LRRC4B: variants seen among roughly 807,000 people sequenced by gnomAD.
LRRC4B encodes leucine rich repeat containing 4B.
A neutral mutation model predicts 7.3 loss-of-function variants in LRRC4B; 1 was observed. The ratio of observed to expected loss-of-function variants is 0.14; its 90% confidence interval spans 0.05 to 0.65. The LOEUF is 0.65. Among genes scored for constraint, LRRC4B ranks in the 30% least tolerant of loss-of-function variants. LRRC4B has a pLI of 0.84. For missense variants in LRRC4B, 730 were observed against 1,041.6 expected, an observed-to-expected ratio of 0.70 and a Z score of 4.12; for synonymous variants, 500 against 499.2, an observed-to-expected ratio of 1.00 and a Z score of -0.02.
chr19:50,529,859 A>G (rs1980972555), intron 2 of LRRC4B, among the ~76,000 whole-genome samples: 1 of 152,102 alleles, frequency 6.6e-6, no homozygotes, highest in South Asian at 2.1e-4. Flanking sequence ...TGCTGTCAAG[A>G]GCCCCCTGGA....
At chr19:50,543,273 C>T (rs1048883872) in intron 2 of LRRC4B, among the ~76,000 whole-genome samples, 25 of 151,900 alleles carry the variant, frequency 1.6e-4, no homozygotes, top group Admixed American at 7.9e-4. Context: ...GCAGGTCACA[C>T]GGGAGGCTCT....
chr19:50,557,415 G>A (rs868447301), intron 1 of LRRC4B, among the ~76,000 whole-genome samples: 15 of 152,298 alleles, frequency 9.8e-5, no homozygotes, highest in Admixed American at 7.2e-4. Context: ...CCCGGCTCCC[G>A]TCCAGTCCCT....
At chr19:50,532,160 C>T (rs760186923) in intron 2 of LRRC4B, among the ~76,000 whole-genome samples, 3 of 152,068 alleles carry the variant, frequency 2.0e-5, no homozygotes, top group East Asian at 3.9e-4. Context: ...CGCTTGAACC[C>T]GGGAGGCGGA....
In LRRC4B at chr19:50,563,361, G is replaced by A. The variant is rs138715765; in HGVS notation, c.-36+4583C>T. Among the ~76,000 whole-genome samples, 60 of 152,262 alleles carry A rather than the reference G, an allele frequency of 3.9e-4. No individual in the cohort carries two copies. The East Asian group carries it at 9.3e-3, about 24-fold the overall frequency. ...AGGGAAGGGAGGTTCTCCCCAGTGGGGACAAAGGGTCTCCAAACTCAGAGT... is the reference window on the plus strand; with the variant it reads ...AGGGAAGGGAGGTTCTCCCCAGTGGAGACAAAGGGTCTCCAAACTCAGAGT... On this transcript the variant is annotated intron_variant, in intron 1 of 2. Transcript: ENST00000652263. This position sits in a 1 kb window ranked among gnomAD's most constrained non-coding sequence, Gnocchi z 4.9.
chr19:50,530,932 G>A (rs112750218), intron 2 of LRRC4B, among the ~76,000 whole-genome samples: 8 of 149,054 alleles, frequency 5.4e-5, no homozygotes, highest in East Asian at 2.0e-4. Context: ...GAAACCTGGG[G>A]GGGGGGGGTC....
chr19:50,557,935 T>C (rs1012423779), intron 1 of LRRC4B: 2 of 152,210 alleles, frequency 1.3e-5, no homozygotes, highest in Non-Finnish European at 2.9e-5. Context: ...CTCCACTTAG[T>C]GGCTAGTAAA....
At chr19:50,529,903 C>T (rs1980974952) in intron 2 of LRRC4B, among the ~76,000 whole-genome samples, 1 of 152,110 alleles carries the variant, frequency 6.6e-6, no homozygotes, top group African/African-American at 2.4e-5. Context: ...CTGAGATGGC[C>T]TGGGGCCCCC....
chr19:50,560,503 G>A (rs1160087687), intron 1 of LRRC4B, among the ~76,000 whole-genome samples: 1 of 152,176 alleles, frequency 6.6e-6, no homozygotes, highest in Non-Finnish European at 1.5e-5. Context: ...GAAATGCCTG[G>A]GGCATAAAAG....
In LRRC4B at chr19:50,518,192, C is replaced by A; in HGVS notation, c.1521G>T (p.Arg507=). 2 of 1,608,482 alleles carry A rather than the reference C, an allele frequency of 1.2e-6. No individual in the cohort carries two copies. Among genetic ancestry groups the A allele is most frequent in the East Asian group, 4.5e-5 (2 of 44,744 alleles). ...GCCCTGGCGGTTCCTTCTCCGTCCC[C>A]CGCGGCTGCAGGGCCTCCTCTCCGG... ...TQPGEEALQP[R]GTEKEPPGPT... Residue 507 remains arginine, a synonymous_variant, in exon 3 of 3, where the codon CGG becomes CGT. Coordinates refer to ENST00000652263, the MANE Select transcript of LRRC4B (RefSeq NM_001080457.2).
intron 2 of LRRC4B, among the ~76,000 whole-genome samples, chr19:50,540,984 C>T (rs112571515): frequency 1.5e-4 from 22 of 151,582 alleles, no homozygotes; most frequent in Non-Finnish European, 2.9e-4. Flanking sequence ...GAGATCGAGA[C>T]CATCCTGGCT....
intron 2 of LRRC4B, among the ~76,000 whole-genome samples, chr19:50,546,617 G>A (rs1300468269): frequency 6.6e-6 from 1 of 152,188 alleles, no homozygotes; most frequent in Non-Finnish European, 1.5e-5. Context: ...CCTTGGGTGT[G>A]TGCTTTACCA....
rs149372519 is a variant in LRRC4B at position 50,550,227 on chromosome 19, C to T, written c.-35-1354G>A. ...AAGGGCACAGAGCAGGCCGGGAGGG[C>T]GCAGAGGGGGTACTTCGGCCCTGGG... On this transcript the variant is annotated intron_variant, in intron 1 of 2. Coordinates refer to ENST00000652263, the MANE Select transcript of LRRC4B (RefSeq NM_001080457.2). Among the ~76,000 whole-genome samples, 745 of 152,248 alleles carry T rather than the reference C, an allele frequency of 4.9e-3. 7 individuals carry two copies. Among genetic ancestry groups the T allele is most frequent in the African/African-American group, 0.017 (696 of 41,528 alleles).
At chr19:50,544,751 A>G (rs1364195529) in intron 2 of LRRC4B, among the ~76,000 whole-genome samples, 2 of 152,032 alleles carry the variant, frequency 1.3e-5, no homozygotes, top group Non-Finnish European at 2.9e-5. Flanking sequence ...ATTCTGTAAT[A>G]AGTAATTAAA....
Position 50,558,132 on chromosome 19 carries a change from C to T in LRRC4B, c.-35-9259G>A, listed in dbSNP as rs186107004. Reference sequence around the variant, plus strand: ...TTTTAGGGGAGTCAAAAGTTACAGGCAGATTTTCAACTGCACAGGGGGCTG... The same window carrying T: ...TTTTAGGGGAGTCAAAAGTTACAGGTAGATTTTCAACTGCACAGGGGGCTG... On this transcript the variant is annotated intron_variant, in intron 1 of 2. Coordinates refer to ENST00000652263, the MANE Select transcript of LRRC4B (RefSeq NM_001080457.2). Among the ~76,000 whole-genome samples the T allele has an allele frequency of 3.3e-4, 50 of 152,042 alleles. No homozygotes were observed. The South Asian group carries it at 4.0e-3, about 12-fold the overall frequency.
intron 2 of LRRC4B, among the ~76,000 whole-genome samples, chr19:50,521,336 C>G (rs1035261384): frequency 1.3e-4 from 20 of 152,030 alleles, no homozygotes; most frequent in Non-Finnish European, 2.5e-4. Flanking sequence ...GCTACATTGG[C>G]GTGGTGGTTA....
At chr19:50,531,027 C>T (rs1349681214) in intron 2 of LRRC4B, among the ~76,000 whole-genome samples, 1 of 151,904 alleles carries the variant, frequency 6.6e-6, no homozygotes. Context: ...GGATTACAGG[C>T]GTGAGCCACC....
At chr19:50,530,015 G>A (rs1980983236) in intron 2 of LRRC4B, among the ~76,000 whole-genome samples, 5 of 151,928 alleles carry the variant, frequency 3.3e-5, no homozygotes, top group Admixed American at 3.3e-4. Context: ...GTCCAAAGCG[G>A]GGCTGCGGCC....
chr19:50,553,832 T>C lies in LRRC4B; in HGVS notation c.-35-4959A>G, dbSNP rs944445415. Among the ~76,000 whole-genome samples the C allele has an allele frequency of 2.6e-5, 4 of 151,774 alleles. No homozygotes were observed. Among genetic ancestry groups the C allele is most frequent in the Admixed American group, 1.3e-4 (2 of 15,240 alleles). ...GGGTACGTTATCATCACTGTGAGTC[T>C]ATTTCCCCCCACGCTCACACACAGA... On this transcript the variant is annotated intron_variant, in intron 1 of 2. Transcript: ENST00000652263. The surrounding 1 kb of genome is among the most constrained non-coding windows in gnomAD (Gnocchi z 4.2).
At chr19:50,527,606 G>T (rs949025595) in intron 2 of LRRC4B, among the ~76,000 whole-genome samples, 1 of 151,958 alleles carries the variant, frequency 6.6e-6, no homozygotes, top group Admixed American at 6.6e-5. Flanking sequence ...GATATGAACG[G>T]CCCTCTAGAG....
Sources: gnomAD v4.1 joint callset for allele counts (sites outside exome capture counted in the v4.1 genomes callset) on GRCh38, gnomAD v4.1.1 for gene constraint, Gnocchi (gnomAD v3.1) non-coding constraint, MANE v1.5 for transcripts, NCBI Gene and HGNC (gene_info 2026-07-23, HGNC 2026-07-21) for gene names.